SLC25A21: variants seen among roughly 807,000 people sequenced by gnomAD.
SLC25A21 encodes the protein mitochondrial 2-oxodicarboxylate carrier.
Under a neutral mutation model 43.8 loss-of-function variants are expected in SLC25A21, and 47 were observed. That is an observed-to-expected ratio of 1.07 (90% CI 0.85 to 1.37). SLC25A21 has a LOEUF of 1.37. Ranked by LOEUF, SLC25A21 falls within the 40% of genes most tolerant of loss-of-function variation. The pLI is 0.00. For missense variants in SLC25A21, 352 were observed against 350.2 expected, an observed-to-expected ratio of 1.00 and a Z score of -0.04; for synonymous variants, 131 against 121.3, an observed-to-expected ratio of 1.08 and a Z score of -0.52.
chr14:37,049,455 C>T (rs1265887647), intron 1 of SLC25A21, among the ~76,000 whole-genome samples: 1 of 151,814 alleles, frequency 6.6e-6, no homozygotes, highest in Non-Finnish European at 1.5e-5. Context: ...GCCTACAGTC[C>T]TAGCAATTAG....
rs1963232167 is a variant in SLC25A21, at chr14:37,122,803, T to C, written c.70+49478A>G. Among the ~76,000 whole-genome samples the C allele has an allele frequency of 2.6e-5, 4 of 152,254 alleles. No individual in the cohort carries two copies. The South Asian group carries it at 8.3e-4, about 32-fold the overall frequency. On this transcript the variant is annotated intron_variant, in intron 1 of 9. Transcript: ENST00000331299. ...TCCAAATGTTTTATTGACGTTCTTG[T>C]CCCCCAATAACTGAGAATTATTTAC...
chr14:36,822,004 G>C (rs983949880), intron 2 of SLC25A21, among the ~76,000 whole-genome samples: 4 of 152,268 alleles, frequency 2.6e-5, no homozygotes, highest in Middle Eastern at 3.4e-3. Flanking sequence ...ACTGTACAAG[G>C]AACAAGGTTA....
At chr14:36,980,003 G>A (rs549980753) in intron 1 of SLC25A21, among the ~76,000 whole-genome samples, 2 of 152,274 alleles carry the variant, frequency 1.3e-5, no homozygotes, top group African/African-American at 4.8e-5. Flanking sequence ...CTAGTCCAGT[G>A]CTTCAATGAT....
At chr14:36,859,422 C>T (rs1340405649) in intron 2 of SLC25A21, among the ~76,000 whole-genome samples, 11 of 152,212 alleles carry the variant, frequency 7.2e-5, no homozygotes, top group Admixed American at 7.2e-4. Flanking sequence ...AGGCTGGGCT[C>T]ATGAAGCCCA....
At chr14:36,906,045 C>G (rs949894604) in intron 1 of SLC25A21, among the ~76,000 whole-genome samples, 3 of 152,004 alleles carry the variant, frequency 2.0e-5, no homozygotes, top group African/African-American at 7.3e-5. Flanking sequence ...ATAATTTGTC[C>G]TAAAGAGGTA....
chr14:37,147,418 C>T lies in SLC25A21; in HGVS notation c.70+24863G>A, dbSNP rs17106463. On this transcript the variant is annotated intron_variant, in intron 1 of 9. Transcript: ENST00000331299. ...TGGTCTTGTCTGTCACCCTTTCCTT[C>T]TTGGCTGCTGGCACCTTCCTATCTC... Among the ~76,000 whole-genome samples, 1,484 of 152,186 alleles carry T rather than the reference C, an allele frequency of 9.8e-3. 58 individuals are homozygous for T. In the East Asian group the frequency reaches 0.14, roughly 14 times the overall value.
At chr14:36,992,487 C>G (rs1254470138) in intron 1 of SLC25A21, among the ~76,000 whole-genome samples, 1 of 152,136 alleles carries the variant, frequency 6.6e-6, no homozygotes, top group African/African-American at 2.4e-5. Context: ...AAGAAAGGCG[C>G]CTTTTTACAT....
intron 1 of SLC25A21, among the ~76,000 whole-genome samples, chr14:37,001,423 T>C (rs538046192): frequency 1.3e-5 from 2 of 152,296 alleles, no homozygotes; most frequent in Middle Eastern, 3.4e-3. Flanking sequence ...ACTGAGCAAG[T>C]AAATGAGTCA....
intron 1 of SLC25A21, among the ~76,000 whole-genome samples, chr14:37,029,402 G>GT (rs1961160216): frequency 6.6e-6 from 1 of 152,088 alleles, no homozygotes; most frequent in Non-Finnish European, 1.5e-5. Flanking sequence ...AAAGCTTGCT[G>GT]TTGTTACTGC....
intron 2 of SLC25A21, among the ~76,000 whole-genome samples, chr14:36,821,907 G>A (rs1192679011): frequency 6.6e-6 from 1 of 152,152 alleles, no homozygotes; most frequent in African/African-American, 2.4e-5. Context: ...CACTGACTGA[G>A]CTCAACAGGG....
Position 36,898,482 on chromosome 14 carries a change from T to C in SLC25A21, c.71-23478A>G, listed in dbSNP as rs571438106. 3.2e-3 allele frequency among the ~76,000 whole-genome samples: 487 copies of C among 152,326 alleles called. 4 individuals are homozygous for C. The highest frequency in any genetic ancestry group is 0.011 in the African/African-American group (457 of 41,576). The stretch of plus-strand genomic sequence containing the variant: ...GAATTCCCTGACCCCTTGTGCTTCC[T>C]GGGTGAGGTGATGCCTCGCCCTGCT... On this transcript the variant is annotated intron_variant, in intron 1 of 9. Coordinates refer to ENST00000331299, the MANE Select transcript of SLC25A21 (RefSeq NM_030631.4).
chr14:36,837,591 G>A (rs1889252220), intron 2 of SLC25A21, among the ~76,000 whole-genome samples: 1 of 152,132 alleles, frequency 6.6e-6, no homozygotes, highest in Non-Finnish European at 1.5e-5. Context: ...GAGGGCTGTG[G>A]GGCCATGTCC....
intron 1 of SLC25A21, among the ~76,000 whole-genome samples, chr14:37,094,710 C>T (rs1298704134): frequency 6.7e-6 from 1 of 148,518 alleles, no homozygotes. Context: ...TTACAGGGTG[C>T]TCACTGAAGC....
At chr14:37,047,324 G>A (rs955476839) in intron 1 of SLC25A21, among the ~76,000 whole-genome samples, 1 of 152,192 alleles carries the variant, frequency 6.6e-6, no homozygotes, top group African/African-American at 2.4e-5. Context: ...TCTAAGACAT[G>A]TTTTGAAATG....
chr14:36,891,564 C>A (rs140573554), intron 1 of SLC25A21, among the ~76,000 whole-genome samples: 2 of 152,150 alleles, frequency 1.3e-5, no homozygotes, highest in Non-Finnish European at 2.9e-5. Flanking sequence ...CAACATGCAA[C>A]ACAATGGCAG....
At chr14:36,869,109 C>A (rs1890294921) in intron 2 of SLC25A21, among the ~76,000 whole-genome samples, 1 of 152,146 alleles carries the variant, frequency 6.6e-6, no homozygotes, top group African/African-American at 2.4e-5. Context: ...ATTCTGCAAT[C>A]TGGACAGAAT....
At chr14:37,020,755 A>G (rs1452345630) in intron 1 of SLC25A21, among the ~76,000 whole-genome samples, 1 of 151,918 alleles carries the variant, frequency 6.6e-6, no homozygotes. Flanking sequence ...GAAAAAGGGC[A>G]GACCTAACAT....
intron 1 of SLC25A21, among the ~76,000 whole-genome samples, chr14:37,046,256 G>T (rs1961583671): frequency 6.6e-6 from 1 of 152,138 alleles, no homozygotes; most frequent in Non-Finnish European, 1.5e-5. Flanking sequence ...GCTATGAGGG[G>T]AAGGAATGGG....
At chr14:36,953,710 C>T (rs1422582756) in intron 1 of SLC25A21, among the ~76,000 whole-genome samples, 1 of 152,082 alleles carries the variant, frequency 6.6e-6, no homozygotes, top group African/African-American at 2.4e-5. Context: ...ATTTCAAATA[C>T]TACATTTGCT....
Sources: gnomAD v4.1 joint callset for allele counts (sites outside exome capture counted in the v4.1 genomes callset) on GRCh38, gnomAD v4.1.1 for gene constraint, MANE v1.5 for transcripts, NCBI Gene and HGNC (gene_info 2026-07-23, HGNC 2026-07-21) for gene names.